PDE4B: variants seen among roughly 807,000 people sequenced by gnomAD.
PDE4B encodes the protein phosphodiesterase 4B, also known as 3',5'-cyclic-AMP phosphodiesterase 4B.
Under a neutral mutation model 82.2 loss-of-function variants are expected in PDE4B, and 20 were observed. The ratio of observed to expected loss-of-function variants is 0.24; its 90% CI spans 0.17 to 0.35. PDE4B has a LOEUF of 0.35. PDE4B is among the 10% of genes least tolerant of loss of function. The probability of loss-of-function intolerance (pLI) is 1.00; values close to 1 mark genes in which losing one functional copy is unlikely to be tolerated. For synonymous variants in PDE4B, 320 were observed against 318.9 expected (o/e 1.00, Z -0.04); for missense variants, 655 against 907.2 (o/e 0.72, Z 3.57).
At chr1:65,825,705 CCTATCT>C (rs1646006907) in intron 1 of PDE4B, among the ~76,000 whole-genome samples, 1 of 107,374 alleles carries the variant, frequency 9.3e-6, no homozygotes, top group Non-Finnish European at 2.2e-5. Flanking sequence ...AACAAAATTA[CCTATCT>C]ATCTATCTAT....
chr1:66,143,947 C>T lies in PDE4B; in HGVS notation c.282-103513C>T, dbSNP rs12731472. Among the ~76,000 whole-genome samples the T allele has an allele frequency of 3.9e-3, 590 of 152,328 alleles. 5 individuals are homozygous for T. Among genetic ancestry groups the T allele is most frequent in the South Asian group, 0.013 (63 of 4,818 alleles). On this transcript the variant is annotated intron_variant, in intron 3 of 16. Transcript: ENST00000341517. ...GAGCTTGGTTGAGTATCTGCAATAACTCAGGTCTGCCTACCCCAGACTCCT... is the reference window on the plus strand; with the variant it reads ...GAGCTTGGTTGAGTATCTGCAATAATTCAGGTCTGCCTACCCCAGACTCCT...
chr1:66,303,658 A>G (rs1214982866), intron 7 of PDE4B, among the ~76,000 whole-genome samples: 5 of 152,158 alleles, frequency 3.3e-5, no homozygotes, highest in African/African-American at 9.6e-5. Flanking sequence ...AGCTATTTGC[A>G]TAAAATGTTA....
intron 1 of PDE4B, among the ~76,000 whole-genome samples, chr1:65,833,847 T>A (rs1033613924): frequency 1.3e-5 from 2 of 152,204 alleles, no homozygotes; most frequent in Non-Finnish European, 2.9e-5. Context: ...TTATTTAAAC[T>A]TACAATTAAA....
intron 2 of PDE4B, among the ~76,000 whole-genome samples, chr1:65,916,526 A>T (rs758376684): frequency 1.3e-5 from 2 of 152,122 alleles, no homozygotes; most frequent in Non-Finnish European, 2.9e-5. Flanking sequence ...TACATAAGAG[A>T]TAAAGTATAT....
intron 3 of PDE4B, among the ~76,000 whole-genome samples, chr1:65,994,281 A>T (rs1313293692): frequency 1.3e-5 from 2 of 152,220 alleles, no homozygotes; most frequent in Non-Finnish European, 2.9e-5. Context: ...GCCTAGAAAT[A>T]TATAGCTTGC....
At chr1:66,257,897 C>T (rs780134208) in intron 6 of PDE4B, 34 bp downstream of exon 6, 9 of 1,503,296 alleles carry the variant, frequency 6.0e-6, no homozygotes, top group African/African-American at 5.5e-5. Context: ...GTTTGAATCC[C>T]TAACATAAAG....
intron 3 of PDE4B, among the ~76,000 whole-genome samples, chr1:66,036,865 T>A (rs1343216010): frequency 6.6e-6 from 1 of 152,110 alleles, no homozygotes; most frequent in Non-Finnish European, 1.5e-5. Flanking sequence ...CCAAGTGTGG[T>A]GTCTTATGCC....
chr1:66,106,728 A>C (rs957692960), intron 3 of PDE4B, among the ~76,000 whole-genome samples: 7 of 151,486 alleles, frequency 4.6e-5, no homozygotes, highest in African/African-American at 1.7e-4. Flanking sequence ...ATTTGCATAG[A>C]GGTGTTTGTA....
intron 7 of PDE4B, among the ~76,000 whole-genome samples, chr1:66,306,786 T>C (rs1658309678): frequency 6.6e-6 from 1 of 152,180 alleles, no homozygotes; most frequent in African/African-American, 2.4e-5. Flanking sequence ...TAGCCAGTTC[T>C]GGAAATCTGA....
At chr1:66,365,501 T>C (rs1006629175) in intron 12 of PDE4B, among the ~76,000 whole-genome samples, 166 bp from the exon 13 acceptor site, 7 of 152,212 alleles carry the variant, frequency 4.6e-5, no homozygotes, top group Non-Finnish European at 1.5e-5. Flanking sequence ...AGAGACTTTA[T>C]GATGATGAAC....
At chr1:66,077,423 A>T (rs1325564889) in intron 3 of PDE4B, among the ~76,000 whole-genome samples, 1 of 152,154 alleles carries the variant, frequency 6.6e-6, no homozygotes, top group Non-Finnish European at 1.5e-5. Flanking sequence ...GCAATAGCAC[A>T]CTTTTCAGAG....
intron 9 of PDE4B, among the ~76,000 whole-genome samples, chr1:66,357,763 T>C (rs1662373067): frequency 6.6e-6 from 1 of 152,084 alleles, no homozygotes; most frequent in African/African-American, 2.4e-5. Flanking sequence ...AAAAAACCTG[T>C]AATATTAACA....
chr1:65,864,685 C>T (rs1487863434), intron 1 of PDE4B, among the ~76,000 whole-genome samples: 1 of 152,200 alleles, frequency 6.6e-6, no homozygotes, highest in Non-Finnish European at 1.5e-5. Flanking sequence ...CTGGGTATTA[C>T]CAGTGGAGGC....
At chr1:65,991,743 A>G (rs1230094196) in intron 3 of PDE4B, among the ~76,000 whole-genome samples, 2 of 152,142 alleles carry the variant, frequency 1.3e-5, no homozygotes, top group East Asian at 3.8e-4. Flanking sequence ...CGTAAGTCTC[A>G]CTTGCATTCT....
chr1:65,896,421 A>G (rs34904501), intron 1 of PDE4B, among the ~76,000 whole-genome samples: 25,717 of 152,126 alleles, frequency 0.17, 2,416 homozygotes, highest in Middle Eastern at 0.3. Flanking sequence ...GACATATGGG[A>G]ATTATGGAGC....
chr1:65,979,840 CA>C (rs1445627859), intron 3 of PDE4B, among the ~76,000 whole-genome samples: 1 of 152,104 alleles, frequency 6.6e-6, no homozygotes, highest in Admixed American at 6.5e-5. Flanking sequence ...TCTGTTGTTT[CA>C]GGGCTTTTAT....
intron 3 of PDE4B, among the ~76,000 whole-genome samples, chr1:66,001,011 C>T (rs1308273565): frequency 2.0e-5 from 3 of 152,062 alleles, no homozygotes; most frequent in Non-Finnish European, 4.4e-5. Context: ...ATTCTATAAT[C>T]TCCAAGTACT....
chr1:66,209,261 T>G (rs553535966), intron 3 of PDE4B, among the ~76,000 whole-genome samples: 1 of 152,354 alleles, frequency 6.6e-6, no homozygotes, highest in Non-Finnish European at 1.5e-5. Context: ...AGTTATTTAT[T>G]GAAACTATTA....
intron 1 of PDE4B, among the ~76,000 whole-genome samples, chr1:65,843,579 C>A (rs1646233798): frequency 6.6e-6 from 1 of 152,092 alleles, no homozygotes; most frequent in Non-Finnish European, 1.5e-5. Context: ...ACTTGAGTTT[C>A]TTAATGTGAA....
Sources: gnomAD v4.1 joint callset for allele counts (sites outside exome capture counted in the v4.1 genomes callset) on GRCh38, gnomAD v4.1.1 for gene constraint, MANE v1.5 for transcripts, NCBI Gene and HGNC (gene_info 2026-07-23, HGNC 2026-07-21) for gene names.